The following PTPRR variants were observed in gnomAD, a reference collection of about 807,000 sequenced individuals.
PTPRR encodes protein tyrosine phosphatase receptor type R.
PTPRR carries 38 observed loss-of-function variants against 77.2 expected under a neutral mutation model. The ratio of observed to expected loss-of-function variants is 0.49; its 90% confidence interval spans 0.38 to 0.65. The LOEUF (loss-of-function observed/expected upper bound fraction) is 0.65. PTPRR is among the 30% of genes least tolerant of loss of function. The pLI is 0.00. For synonymous variants in PTPRR, 299 were observed against 283.1 expected, an observed-to-expected ratio of 1.06 and a Z score of -0.57; for missense variants, 744 against 799.2, an observed-to-expected ratio of 0.93 and a Z score of 0.83.
chr12:70,779,012 A>AT (rs910722273), intron 2 of PTPRR, among the ~76,000 whole-genome samples: 8 of 151,714 alleles, frequency 5.3e-5, no homozygotes, highest in Non-Finnish European at 8.8e-5. Context: ...CACCCAGCTA[A>AT]TTTTTTTGTA....
chr12:70,769,256 A>G (rs1890908715), intron 2 of PTPRR, among the ~76,000 whole-genome samples: 8 of 148,860 alleles, frequency 5.4e-5, no homozygotes, highest in Admixed American at 1.3e-4. Context: ...TATATCTAGA[A>G]AACCCCATTG....
chr12:70,906,352 G>GT (rs61078603), intron 1 of PTPRR, among the ~76,000 whole-genome samples: 1 of 151,894 alleles, frequency 6.6e-6, no homozygotes, highest in African/African-American at 2.4e-5. Context: ...AAAGAAATAA[G>GT]TTTTTCCATA....
At chr12:70,722,101 G>A (rs1889278879) in intron 6 of PTPRR, among the ~76,000 whole-genome samples, 1 of 152,110 alleles carries the variant, frequency 6.6e-6, no homozygotes, top group African/African-American at 2.4e-5. Flanking sequence ...TGCGCCCCCC[G>A]TGGACGCTTC....
chr12:70,710,549 A>C (rs1395345379), intron 6 of PTPRR, among the ~76,000 whole-genome samples: 3 of 152,206 alleles, frequency 2.0e-5, no homozygotes, highest in Non-Finnish European at 2.9e-5. Context: ...AAAAATTGAC[A>C]AATGGGATTT....
intron 2 of PTPRR, among the ~76,000 whole-genome samples, chr12:70,872,694 C>CAAAAAAAAAAAAAAAAAAAAAAA (rs377557224): frequency 1.6e-4 from 7 of 43,448 alleles, no homozygotes; most frequent in African/African-American, 9.6e-4. Context: ...GACTCTGTCT[C>CAAAAAAAAAAAAAAAAAAAAAAA]AAAAAAAAAA....
chr12:70,856,046 T>A (rs1457573680), intron 2 of PTPRR, among the ~76,000 whole-genome samples: 1 of 152,150 alleles, frequency 6.6e-6, no homozygotes, highest in Non-Finnish European at 1.5e-5. Context: ...CTTCAAGGAC[T>A]GTTTTAGAAT....
intron 2 of PTPRR, among the ~76,000 whole-genome samples, chr12:70,878,359 A>C (rs1165280267): frequency 2.0e-5 from 3 of 152,206 alleles, no homozygotes; most frequent in Middle Eastern, 3.2e-3. Flanking sequence ...CACCTGACAA[A>C]GGGCTAATAT....
intron 8 of PTPRR, among the ~76,000 whole-genome samples, chr12:70,690,269 T>C (rs1427751195): frequency 6.6e-6 from 1 of 152,176 alleles, no homozygotes; most frequent in East Asian, 1.9e-4. Flanking sequence ...TTGTGGTTAA[T>C]AGTATATATA....
intron 2 of PTPRR, among the ~76,000 whole-genome samples, chr12:70,814,433 A>G (rs1891864314): frequency 6.6e-6 from 1 of 152,210 alleles, no homozygotes; most frequent in South Asian, 2.1e-4. Context: ...CTGTCTTAAC[A>G]GGGAAGACAA....
At chr12:70,733,036 G>A (rs1485433762) in intron 6 of PTPRR, among the ~76,000 whole-genome samples, 1 of 152,084 alleles carries the variant, frequency 6.6e-6, no homozygotes, top group Non-Finnish European at 1.5e-5. Flanking sequence ...GAGGGAAAAC[G>A]CAGGAAATGA....
chr12:70,901,389 T>C (rs1227409525), intron 1 of PTPRR, among the ~76,000 whole-genome samples: 1 of 151,644 alleles, frequency 6.6e-6, no homozygotes, highest in Non-Finnish European at 1.5e-5. Flanking sequence ...TAAAAGAGCA[T>C]GGTACTGCTA....
At chr12:70,900,740 G>A (rs1389542618) in intron 1 of PTPRR, among the ~76,000 whole-genome samples, 4 of 151,416 alleles carry the variant, frequency 2.6e-5, no homozygotes, top group Admixed American at 6.6e-5. Context: ...CTGAAAAGAC[G>A]ACTTACAAAT....
intron 6 of PTPRR, among the ~76,000 whole-genome samples, chr12:70,731,127 A>G (rs997265183): frequency 1.3e-5 from 2 of 151,990 alleles, no homozygotes; most frequent in African/African-American, 2.4e-5. Flanking sequence ...GGAAGGAGAG[A>G]GAGAGGAAGG....
At chr12:70,646,243 A>G (rs1886194087) in intron 13 of PTPRR, among the ~76,000 whole-genome samples, 1 of 152,156 alleles carries the variant, frequency 6.6e-6, no homozygotes, top group Non-Finnish European at 1.5e-5. Flanking sequence ...GTCAGCTGTA[A>G]GGTGTGTCTG....
intron 4 of PTPRR, 100 bp downstream of exon 4, chr12:70,761,371 T>A: frequency 2.7e-6 from 3 of 1,125,390 alleles, no homozygotes; most frequent in Non-Finnish European, 3.7e-6. Context: ...TCAAATAACA[T>A]ACAATAAACA....
At chr12:70,721,315 G>A (rs544077877) in intron 6 of PTPRR, among the ~76,000 whole-genome samples, 22 of 152,274 alleles carry the variant, frequency 1.4e-4, no homozygotes, top group Non-Finnish European at 2.8e-4. Flanking sequence ...TCTAAGAATA[G>A]GTAATTTATC....
At chr12:70,662,136 C>T (rs111869746) in intron 11 of PTPRR, among the ~76,000 whole-genome samples, 12 of 152,070 alleles carry the variant, frequency 7.9e-5, no homozygotes, top group South Asian at 4.2e-4. Context: ...CCAGGCCTTA[C>T]GCAAAGCTGC....
chr12:70,871,550 C>T (rs1050291217), intron 2 of PTPRR, among the ~76,000 whole-genome samples: 3 of 152,160 alleles, frequency 2.0e-5, no homozygotes, highest in African/African-American at 7.2e-5. Context: ...TAGCAATATA[C>T]ATTCTAATTT....
At chr12:70,653,396 T>G (rs1002210144) in intron 13 of PTPRR, among the ~76,000 whole-genome samples, 42 of 152,310 alleles carry the variant, frequency 2.8e-4, no homozygotes, top group Non-Finnish European at 4.3e-4. Context: ...TAATTGGAAC[T>G]GATCTTTTTT....
Sources: allele counts gnomAD v4.1 joint callset (sites outside exome capture counted in the v4.1 genomes callset), GRCh38; gene constraint gnomAD v4.1.1; transcripts MANE v1.5; gene names NCBI Gene and HGNC (gene_info 2026-07-23, HGNC 2026-07-21).